Variants in LRRTM4 observed in about 807,000 individuals in gnomAD.
The protein encoded by LRRTM4 is leucine-rich repeat transmembrane neuronal protein 4.
A neutral mutation model predicts 47.6 loss-of-function variants in LRRTM4; 25 were observed. The ratio of observed to expected loss-of-function variants is 0.53; its 90% confidence interval spans 0.38 to 0.73. LRRTM4 has a LOEUF of 0.73. LRRTM4 is among the 30% of genes least tolerant of loss of function. LRRTM4 has a pLI of 0.00. For missense variants in LRRTM4, 638 were observed against 713.4 expected, an observed-to-expected ratio of 0.89 and a Z score of 1.20; for synonymous variants, 311 against 269.5, an observed-to-expected ratio of 1.15 and a Z score of -1.51.
rs1009920588 is a variant in LRRTM4 at position 77,229,851 on chromosome 2, A to G, written c.1551+288467T>C. ...ATTTTCTTCATATATCTGTTCACATATCACTTTATTAGAATTGTCATTAAA... is the reference window on the plus strand; with the variant it reads ...ATTTTCTTCATATATCTGTTCACATGTCACTTTATTAGAATTGTCATTAAA... On this transcript the variant is annotated intron_variant, in intron 3 of 3. Transcript: ENST00000409884. Among the ~76,000 whole-genome samples, 4 of 152,268 alleles carry G rather than the reference A, an allele frequency of 2.6e-5. No individual in the cohort carries two copies. In the East Asian group the frequency reaches 7.7e-4, roughly 29 times the overall value.
At chr2:76,813,573 A>G (rs762356196) in intron 3 of LRRTM4, among the ~76,000 whole-genome samples, 9 of 152,024 alleles carry the variant, frequency 5.9e-5, no homozygotes, top group Non-Finnish European at 1.0e-4. Flanking sequence ...TGCAAACTAA[A>G]TTCATGCGAA....
intron 3 of LRRTM4, among the ~76,000 whole-genome samples, chr2:77,063,438 T>C (rs1679856841): frequency 6.6e-6 from 1 of 152,162 alleles, no homozygotes; most frequent in Non-Finnish European, 1.5e-5. Context: ...TTCATAGGCC[T>C]CTCTGTTTCT....
intron 3 of LRRTM4, among the ~76,000 whole-genome samples, chr2:76,889,039 A>T (rs1673168950): frequency 6.6e-6 from 1 of 151,934 alleles, no homozygotes; most frequent in Non-Finnish European, 1.5e-5. Flanking sequence ...TAAACACTGA[A>T]TTAGAATGAC....
chr2:77,481,514 C>T (rs925289828), intron 3 of LRRTM4, among the ~76,000 whole-genome samples: 8 of 152,066 alleles, frequency 5.3e-5, no homozygotes, highest in Non-Finnish European at 1.5e-5. Context: ...AAAATTAAAT[C>T]AGTCCAAAAA....
chr2:76,898,044 C>T (rs1673481969), intron 3 of LRRTM4, among the ~76,000 whole-genome samples: 2 of 152,136 alleles, frequency 1.3e-5, no homozygotes, highest in Admixed American at 1.3e-4. Context: ...TGTTCAGTTT[C>T]CTATTAGAGT....
At chr2:77,012,667 A>C (rs1677917520) in intron 3 of LRRTM4, among the ~76,000 whole-genome samples, 1 of 152,146 alleles carries the variant, frequency 6.6e-6, no homozygotes, top group Admixed American at 6.6e-5. Flanking sequence ...CTAGATATGG[A>C]ACTGGGACCC....
intron 3 of LRRTM4, among the ~76,000 whole-genome samples, chr2:77,441,933 A>G (rs187026823): frequency 1.3e-3 from 194 of 152,296 alleles, no homozygotes; most frequent in African/African-American, 4.2e-3. Flanking sequence ...CCAAATATAA[A>G]TCAACATTTG....
chr2:77,406,794 C>A (rs984274194), intron 3 of LRRTM4, among the ~76,000 whole-genome samples: 2 of 152,082 alleles, frequency 1.3e-5, no homozygotes, highest in African/African-American at 4.8e-5. Flanking sequence ...AAGTAGAAAA[C>A]ATTTCTTTTC....
chr2:76,863,524 G>T lies in LRRTM4; in HGVS notation c.1552-114608C>A, dbSNP rs549859390. 7.2e-5 allele frequency among the ~76,000 whole-genome samples: 11 copies of T among 152,214 alleles called. No individual in the cohort carries two copies. The South Asian group carries it at 2.3e-3, about 32-fold the overall frequency. The stretch of plus-strand genomic sequence containing the variant: ...TTAGTAATGTCCTCAAGGTCACATA[G>T]CTAGTGTAGTAGGTATAAGATACAA... On this transcript the variant is annotated intron_variant, in intron 3 of 3. Transcript: ENST00000409884.
In LRRTM4 at chr2:77,177,769, T is replaced by C. The variant is rs1229367748; in HGVS notation, c.1551+340549A>G. Among the ~76,000 whole-genome samples, 3 of 152,200 alleles carry C rather than the reference T, an allele frequency of 2.0e-5. 1 individual carries two copies. The highest frequency in any genetic ancestry group is 3.9e-4 in the East Asian group (2 of 5,190). ...AGGACTTGATTCTTTTCAGCTAAAT[T>C]AGCTGCAACACTTGTGAGTACAGCC... On this transcript the variant is annotated intron_variant, in intron 3 of 3. Coordinates refer to ENST00000409884, the MANE Select transcript of LRRTM4 (RefSeq NM_001134745.3).
intron 3 of LRRTM4, among the ~76,000 whole-genome samples, chr2:77,236,000 A>T (rs1573118952): frequency 6.6e-6 from 1 of 152,074 alleles, no homozygotes; most frequent in South Asian, 2.1e-4. Context: ...TGGCTATTTG[A>T]ATTCCTTTTT....
chr2:77,241,913 A>T (rs953337098), intron 3 of LRRTM4, among the ~76,000 whole-genome samples: 2 of 152,088 alleles, frequency 1.3e-5, no homozygotes, highest in Non-Finnish European at 2.9e-5. Flanking sequence ...CCATTGAATG[A>T]TCTTGATCCC....
rs188625550 is a variant in LRRTM4, at chr2:77,395,513, G to C, written c.1551+122805C>G. Among the ~76,000 whole-genome samples, 282 of 152,094 alleles carry C rather than the reference G, an allele frequency of 1.9e-3. 3 individuals are homozygous for C. The highest frequency in any genetic ancestry group is 6.6e-3 in the Admixed American group (101 of 15,232). On this transcript the variant is annotated intron_variant, in intron 3 of 3. Coordinates refer to ENST00000409884, the MANE Select transcript of LRRTM4 (RefSeq NM_001134745.3). ...CTTGAATTTAGCTAGTTTTGGTTGT[G>C]CCATCATAAATTCCCTTGAGGAGAC... is the stretch of plus-strand genomic sequence containing the variant.
At chr2:77,477,679 TA>T (rs997125494) in intron 3 of LRRTM4, among the ~76,000 whole-genome samples, 1 of 150,414 alleles carries the variant, frequency 6.6e-6, no homozygotes, top group African/African-American at 2.4e-5. Flanking sequence ...CCGTCTCCAC[TA>T]AAAAAAAGAA....
intron 3 of LRRTM4, among the ~76,000 whole-genome samples, chr2:77,382,334 T>A (rs1403398601): frequency 6.6e-6 from 1 of 152,064 alleles, no homozygotes; most frequent in Non-Finnish European, 1.5e-5. Context: ...ACCATATAAT[T>A]TCTCCCAGAA....
chr2:77,199,149 A>G (rs947380346), intron 3 of LRRTM4, among the ~76,000 whole-genome samples: 1 of 152,174 alleles, frequency 6.6e-6, no homozygotes, highest in South Asian at 2.1e-4. Context: ...GGGACATTAA[A>G]TAAATTGTTC....
intron 3 of LRRTM4, among the ~76,000 whole-genome samples, chr2:77,211,091 C>A (rs1450711002): frequency 6.7e-6 from 1 of 149,306 alleles, no homozygotes; most frequent in Non-Finnish European, 1.5e-5. Context: ...TAAAATAATT[C>A]AATATGGGGA....
At chr2:76,874,509 T>C (rs1672725071) in intron 3 of LRRTM4, among the ~76,000 whole-genome samples, 1 of 152,026 alleles carries the variant, frequency 6.6e-6, no homozygotes, top group African/African-American at 2.4e-5. Flanking sequence ...TATGCTTTAA[T>C]GAAATTATGA....
chr2:77,487,532 G>A (rs898274678), intron 3 of LRRTM4, among the ~76,000 whole-genome samples: 5 of 152,176 alleles, frequency 3.3e-5, no homozygotes, highest in Non-Finnish European at 2.9e-5. Flanking sequence ...CCAGCTCAGC[G>A]TGGGCCTGCA....
Sources: gnomAD v4.1 joint callset for allele counts (sites outside exome capture counted in the v4.1 genomes callset) on GRCh38, gnomAD v4.1.1 for gene constraint, MANE v1.5 for transcripts, NCBI Gene and HGNC (gene_info 2026-07-23, HGNC 2026-07-21) for gene names.